The following SPOCK3 variants were observed in gnomAD, a reference collection of about 807,000 sequenced individuals.
SPOCK3 encodes the protein testican-3.
A neutral mutation model predicts 56.6 loss-of-function variants in SPOCK3; 30 were observed. The ratio of observed to expected loss-of-function variants is 0.53; its 90% CI spans 0.40 to 0.72. The LOEUF (loss-of-function observed/expected upper bound fraction) is 0.72. Among genes scored for constraint, SPOCK3 ranks in the 30% least tolerant of loss-of-function variants. The pLI is 0.00. For synonymous variants in SPOCK3, 196 were observed against 183.3 expected (o/e 1.07, Z -0.56); for missense variants, 527 against 530.0 (o/e 0.99, Z 0.06).
At chr4:166,890,321 G>C (rs6846447) in intron 5 of SPOCK3, among the ~76,000 whole-genome samples, 92,480 of 151,582 alleles carry the variant, frequency 0.61, 28,761 homozygotes, top group East Asian at 0.77. Flanking sequence ...TTTAGGGCTA[G>C]TTGCTCAAAT....
rs1419796378 is a variant in SPOCK3 at position 167,109,315 on chromosome 4, T to C, written c.190-46778A>G. 1.4e-4 allele frequency among the ~76,000 whole-genome samples: 13 copies of C among 91,366 alleles called. No individual in the cohort carries two copies. In the East Asian group the frequency reaches 3.2e-3, roughly 22 times the overall value. 59.9% of individuals were successfully genotyped at this position (91,366 alleles called of 152,430 possible). ...TTATAAATAATAATTATTAATATAT[T>C]AATATATTAATATATATTAATATTA... On this transcript the variant is annotated intron_variant, in intron 2 of 10. Coordinates refer to ENST00000357545, the MANE Select transcript of SPOCK3 (RefSeq NM_001040159.2).
intron 2 of SPOCK3, among the ~76,000 whole-genome samples, chr4:167,089,940 T>C (rs1272502489): frequency 8.0e-6 from 1 of 125,540 alleles, no homozygotes; most frequent in Non-Finnish European, 1.7e-5. Flanking sequence ...ATCCATATTG[T>C]GGTAATGTTC....
chr4:166,968,787 C>T (rs12019279), intron 4 of SPOCK3, among the ~76,000 whole-genome samples: 52,928 of 152,038 alleles, frequency 0.35, 10,983 homozygotes, highest in African/African-American at 0.59. Flanking sequence ...CAGTGCCTAG[C>T]GGACGTATGA....
intron 2 of SPOCK3, among the ~76,000 whole-genome samples, chr4:167,216,974 T>C (rs145288434): frequency 1.3e-5 from 2 of 152,100 alleles, no homozygotes; most frequent in East Asian, 3.9e-4. Context: ...CTAAAATAAA[T>C]ATAAATAAGA....
chr4:167,212,925 T>C (rs1266761971), intron 2 of SPOCK3, among the ~76,000 whole-genome samples: 1 of 152,178 alleles, frequency 6.6e-6, no homozygotes, highest in African/African-American at 2.4e-5. Context: ...CATGACAAAA[T>C]ACAAAACAAA....
At position 166,885,332 on chromosome 4, in the gene SPOCK3, A is replaced by C. The variant is rs535212812; in HGVS notation, c.589+3798T>G. Reference sequence around the variant, plus strand: ...AAAAATTGTCTCAGTAACATAATAAATTTCTCTAAGATTTACTAGAAACTG... The same window carrying C: ...AAAAATTGTCTCAGTAACATAATAACTTTCTCTAAGATTTACTAGAAACTG... On this transcript the variant is annotated intron_variant, in intron 6 of 10. Coordinates refer to ENST00000357545, the MANE Select transcript of SPOCK3 (RefSeq NM_001040159.2). 4.6e-5 allele frequency among the ~76,000 whole-genome samples: 7 copies of C among 151,760 alleles called. No individual in the cohort carries two copies. In the South Asian group the frequency reaches 6.2e-4, roughly 13 times the overall value.
At chr4:166,776,127 T>A in intron 7 of SPOCK3, among the ~76,000 whole-genome samples, 1 of 151,958 alleles carries the variant, frequency 6.6e-6, no homozygotes, top group East Asian at 1.9e-4. Flanking sequence ...AAAAAACATT[T>A]TTCTGGGCTG....
intron 7 of SPOCK3, among the ~76,000 whole-genome samples, chr4:166,787,037 C>T (rs1740804919): frequency 6.6e-6 from 1 of 152,124 alleles, no homozygotes. Context: ...ATTAACTTTC[C>T]ACTTGTATGC....
At chr4:167,104,807 G>A (rs1759951430) in intron 2 of SPOCK3, among the ~76,000 whole-genome samples, 1 of 150,760 alleles carries the variant, frequency 6.6e-6, no homozygotes, top group Non-Finnish European at 1.5e-5. Context: ...ACTCCCAAGG[G>A]TTAAGGATAA....
intron 4 of SPOCK3, among the ~76,000 whole-genome samples, chr4:166,957,268 A>C (rs181083098): frequency 7.8e-4 from 119 of 152,248 alleles, no homozygotes; most frequent in African/African-American, 2.7e-3. Flanking sequence ...GAGAATAATA[A>C]ATGCAAAAAC....
intron 5 of SPOCK3, among the ~76,000 whole-genome samples, chr4:166,889,656 T>A (rs761265632): frequency 6.6e-6 from 1 of 151,978 alleles, no homozygotes; most frequent in East Asian, 1.9e-4. Context: ...CTTCTCTTAC[T>A]TATTGGACTC....
chr4:166,850,569 C>T (rs1443171711), intron 6 of SPOCK3, among the ~76,000 whole-genome samples: 1 of 152,192 alleles, frequency 6.6e-6, no homozygotes, highest in Non-Finnish European at 1.5e-5. Context: ...GTTCATCTCA[C>T]TAGGGAGTGC....
At chr4:167,067,075 G>A (rs931002719) in intron 2 of SPOCK3, among the ~76,000 whole-genome samples, 1 of 151,828 alleles carries the variant, frequency 6.6e-6, no homozygotes, top group African/African-American at 2.4e-5. Flanking sequence ...GTTTGATACA[G>A]AATCAGTTGG....
At chr4:167,097,515 A>G (rs28638048) in intron 2 of SPOCK3, among the ~76,000 whole-genome samples, 17,588 of 151,742 alleles carry the variant, frequency 0.12, 1,298 homozygotes, top group African/African-American at 0.21. Context: ...TGTGTGGAGT[A>G]GAAGCTATCT....
intron 3 of SPOCK3, among the ~76,000 whole-genome samples, chr4:167,052,244 C>T (rs998599446): frequency 3.3e-5 from 5 of 152,128 alleles, no homozygotes; most frequent in Admixed American, 6.5e-5. Flanking sequence ...ATAAATTTCT[C>T]ATTTAGAAGC....
chr4:166,752,091 T>C (rs1030123263), intron 8 of SPOCK3, among the ~76,000 whole-genome samples: 1 of 152,002 alleles, frequency 6.6e-6, no homozygotes, highest in African/African-American at 2.4e-5. Flanking sequence ...GGCTGGAGTG[T>C]AGAGGTGCCA....
chr4:167,003,089 C>G (rs111309873), intron 3 of SPOCK3, among the ~76,000 whole-genome samples: 1 of 87,796 alleles, frequency 1.1e-5, no homozygotes, highest in South Asian at 3.8e-4. Flanking sequence ...ATAGCTGTTT[C>G]TTTACCTTAT....
chr4:167,022,244 A>C (rs1340524452), intron 3 of SPOCK3, among the ~76,000 whole-genome samples: 1 of 152,066 alleles, frequency 6.6e-6, no homozygotes, highest in Non-Finnish European at 1.5e-5. Context: ...AAGACCCAGT[A>C]GGAGAATATA....
chr4:167,170,041 A>G (rs1226318105), intron 2 of SPOCK3, among the ~76,000 whole-genome samples: 1 of 152,142 alleles, frequency 6.6e-6, no homozygotes, highest in African/African-American at 2.4e-5. Context: ...TCTTTTATAC[A>G]TTACACAGTC....
Sources: allele counts gnomAD v4.1 joint callset (sites outside exome capture counted in the v4.1 genomes callset), GRCh38; gene constraint gnomAD v4.1.1; transcripts MANE v1.5; gene names NCBI Gene and HGNC (gene_info 2026-07-23, HGNC 2026-07-21).